PPP2R2C: variants seen among roughly 807,000 people sequenced by gnomAD.
PPP2R2C encodes the protein protein phosphatase 2, regulatory subunit B, gamma.
Under a neutral mutation model 45.3 loss-of-function variants are expected in PPP2R2C, and 10 were observed. The ratio of observed to expected loss-of-function variants is 0.22; its 90% CI spans 0.14 to 0.37. The LOEUF (loss-of-function observed/expected upper bound fraction) is 0.37, where lower values mean the gene tolerates loss of function less well. Among genes scored for constraint, PPP2R2C ranks in the 10% least tolerant of loss-of-function variants. The pLI, the probability that PPP2R2C is intolerant of heterozygous loss-of-function variation, is 1.00. For missense variants in PPP2R2C, 308 were observed against 619.7 expected (o/e 0.50, Z 5.34); for synonymous variants, 257 against 245.4 (o/e 1.05, Z -0.44).
intron 5 of PPP2R2C, among the ~76,000 whole-genome samples, chr4:6,348,470 T>C (rs1712213455): frequency 6.6e-6 from 1 of 152,070 alleles, no homozygotes; most frequent in African/African-American, 2.4e-5. Context: ...CCTTTTCAAA[T>C]TGTGTCTGGA....
intron 2 of PPP2R2C, among the ~76,000 whole-genome samples, chr4:6,511,413 GACAGTGAT>G (rs1723467116): frequency 7.0e-6 from 1 of 143,228 alleles, no homozygotes; most frequent in African/African-American, 2.6e-5. Context: ...TGGTGGTGGT[GACAGTGAT>G]GGTGGTGATG....
At chr4:6,455,917 G>C (rs181632958) in intron 1 of PPP2R2C, among the ~76,000 whole-genome samples, 1 of 136,084 alleles carries the variant, frequency 7.3e-6, no homozygotes, top group Non-Finnish European at 1.6e-5. Flanking sequence ...AGGCTGCAAC[G>C]GGCCCACTGC....
intron 6 of PPP2R2C, among the ~76,000 whole-genome samples, chr4:6,338,698 C>T (rs113540705): frequency 0.023 from 3,443 of 152,240 alleles, 127 homozygotes; most frequent in African/African-American, 0.077. Flanking sequence ...TCCCCTCTGC[C>T]GCACACTCCA....
chr4:6,392,496 G>T (rs1046143182), intron 1 of PPP2R2C, among the ~76,000 whole-genome samples: 1 of 152,314 alleles, frequency 6.6e-6, no homozygotes, highest in South Asian at 2.1e-4. Context: ...TGGGGGAGAC[G>T]CATTTGAGCA....
At chr4:6,485,962 T>G (rs111901911) in intron 2 of PPP2R2C, among the ~76,000 whole-genome samples, 1 of 151,976 alleles carries the variant, frequency 6.6e-6, no homozygotes, top group Non-Finnish European at 1.5e-5. Context: ...TTTCCTAGTT[T>G]CTTAAGGTGG....
At chr4:6,506,312 A>G (rs1247941226) in intron 2 of PPP2R2C, among the ~76,000 whole-genome samples, 1 of 152,248 alleles carries the variant, frequency 6.6e-6, no homozygotes, top group Non-Finnish European at 1.5e-5. Context: ...AGATCTGTAC[A>G]CTTTACGGAA....
chr4:6,521,120 G>A (rs969264585), intron 2 of PPP2R2C, among the ~76,000 whole-genome samples: 3 of 152,128 alleles, frequency 2.0e-5, no homozygotes, highest in Non-Finnish European at 4.4e-5. Context: ...ACACAGCATC[G>A]GTGGCCACAG....
At chr4:6,432,654 AT>A (rs772030759) in intron 1 of PPP2R2C, among the ~76,000 whole-genome samples, 21 of 152,362 alleles carry the variant, frequency 1.4e-4, no homozygotes, top group Non-Finnish European at 2.6e-4. Context: ...ACGCATACGC[AT>A]TTCTATTTCT....
intron 5 of PPP2R2C, among the ~76,000 whole-genome samples, chr4:6,367,600 C>A (rs935679142): frequency 2.6e-5 from 4 of 152,314 alleles, no homozygotes; most frequent in African/African-American, 9.6e-5. Flanking sequence ...GCCTTTCTGG[C>A]CTCCTCCCAT....
chr4:6,372,493 A>G (rs1453520986), intron 5 of PPP2R2C, 30 bp downstream of exon 5: 1 of 1,534,424 alleles, frequency 6.5e-7, no homozygotes, highest in Admixed American at 2.0e-5. Context: ...TGCCCGTGGG[A>G]GGCACTGGCC....
intron 2 of PPP2R2C, among the ~76,000 whole-genome samples, chr4:6,523,867 A>G (rs555754775): frequency 6.6e-6 from 1 of 152,302 alleles, no homozygotes; most frequent in South Asian, 2.1e-4. Context: ...GTCCACTCAT[A>G]CAGTGGAACA....
intron 2 of PPP2R2C, among the ~76,000 whole-genome samples, chr4:6,480,330 G>T (rs987240255): frequency 3.3e-5 from 5 of 152,066 alleles, no homozygotes; most frequent in Non-Finnish European, 5.9e-5. Context: ...ACAATCAATG[G>T]TGTGCCGGAG....
chr4:6,449,577 C>T (rs1560556013), intron 1 of PPP2R2C, among the ~76,000 whole-genome samples: 3 of 152,244 alleles, frequency 2.0e-5, no homozygotes, highest in African/African-American at 4.8e-5. Context: ...TGTCGGCCAT[C>T]CTCACCCCCA....
chr4:6,428,586 A>G (rs1330022968), intron 1 of PPP2R2C, among the ~76,000 whole-genome samples: 1 of 152,234 alleles, frequency 6.6e-6, no homozygotes, highest in African/African-American at 2.4e-5. Flanking sequence ...CGGAAATCAC[A>G]TCGTATCAAG....
intron 1 of PPP2R2C, among the ~76,000 whole-genome samples, chr4:6,405,815 C>T (rs1449856514): frequency 6.6e-6 from 1 of 152,104 alleles, no homozygotes; most frequent in Non-Finnish European, 1.5e-5. Flanking sequence ...CACGGACAAG[C>T]GTGGCCATGG....
intron 6 of PPP2R2C, among the ~76,000 whole-genome samples, chr4:6,341,904 AAC>A (rs1454841442): frequency 6.6e-6 from 1 of 152,076 alleles, no homozygotes; most frequent in Non-Finnish European, 1.5e-5. Flanking sequence ...CAGAATGTAC[AAC>A]AGTCTTTTGT....
chr4:6,400,648 T>C (rs1717355847), intron 1 of PPP2R2C, among the ~76,000 whole-genome samples: 1 of 152,248 alleles, frequency 6.6e-6, no homozygotes, highest in Non-Finnish European at 1.5e-5. Flanking sequence ...TTGACCTAAG[T>C]AACTAAGGCG....
At chr4:6,356,522 G>A (rs1030573534) in intron 5 of PPP2R2C, among the ~76,000 whole-genome samples, 6 of 152,194 alleles carry the variant, frequency 3.9e-5, no homozygotes, top group South Asian at 2.1e-4. Context: ...CAGCTCTGCC[G>A]CTTGCTAGCT....
rs962894041 is a variant in PPP2R2C at position 6,324,551 on chromosome 4, C to A, written c.1053-958G>T. ...CAGCAGGAGGTAGACATGGAAGCAGCTGGGACAGAAAACCACCAGGCCCTG... is the reference window on the plus strand; with the variant it reads ...CAGCAGGAGGTAGACATGGAAGCAGATGGGACAGAAAACCACCAGGCCCTG... On this transcript the variant is annotated intron_variant, in intron 8 of 8. Coordinates refer to ENST00000382599, the MANE Select transcript of PPP2R2C (RefSeq NM_020416.4). The surrounding 1 kb of genome is among the most constrained non-coding windows in gnomAD (Gnocchi z 4.1). 1.9e-4 allele frequency among the ~76,000 whole-genome samples: 29 copies of A among 152,232 alleles called. No homozygotes were observed. Among genetic ancestry groups the A allele is most frequent in the African/African-American group, 6.8e-4 (28 of 41,468 alleles).
Sources: allele counts gnomAD v4.1 joint callset (sites outside exome capture counted in the v4.1 genomes callset), GRCh38; gene constraint gnomAD v4.1.1; non-coding constraint Gnocchi (gnomAD v3.1); transcripts MANE v1.5; gene names NCBI Gene and HGNC (gene_info 2026-07-23, HGNC 2026-07-21).